The following MGAT1 variants were observed in gnomAD, a reference collection of about 807,000 sequenced individuals.
MGAT1 encodes the protein alpha-1,3-mannosyl-glycoprotein 2-beta-N-acetylglucosaminyltransferase.
In MGAT1, 14 loss-of-function variants were observed where a neutral mutation model predicts 31.7. The ratio of observed to expected loss-of-function variants is 0.44; its 90% CI spans 0.29 to 0.69. The LOEUF is 0.69. Ranked by LOEUF, MGAT1 falls within the 30% of genes least tolerant of loss-of-function variation. The pLI is 0.12. For missense variants in MGAT1, 557 were observed against 626.0 expected, an observed-to-expected ratio of 0.89 and a Z score of 1.18; for synonymous variants, 338 against 276.0, an observed-to-expected ratio of 1.22 and a Z score of -2.23.
rs541875109 is a variant in MGAT1 at position 180,784,835 on chromosome 5, C to T, written c.*6799G>A. ...TTTTCAATGTTTTTAGGTAGTTACA[C>T]GATAAGCACATATTACTTATATACG... On this transcript the variant is annotated 3_prime_UTR_variant, in exon 2 of 2. Transcript: ENST00000307826. The T allele has an allele frequency of 2.4e-4, 36 of 152,270 alleles. No homozygotes were observed. Among genetic ancestry groups the T allele is most frequent in the African/African-American group, 7.2e-5 (3 of 41,528 alleles). 9.4% of individuals were successfully genotyped at this position (152,270 alleles called of 1,614,324 possible). A position where few individuals can be genotyped will look rare whatever the true frequency, so the allele number is the denominator to read the frequency against.
At chr5:180,804,603 G>A (rs1368681150), upstream of MGAT1, among the ~76,000 whole-genome samples, 1 of 152,256 alleles carries the variant, frequency 6.6e-6, no homozygotes, top group African/African-American at 2.4e-5. Flanking sequence ...GCCTAATGGA[G>A]GAGTCAGGGG....
rs1210184729 is a variant in MGAT1, at chr5:180,785,015, T to G, written c.*6619A>C. On this transcript the variant is annotated 3_prime_UTR_variant, in exon 2 of 2. Coordinates refer to ENST00000307826, the MANE Select transcript of MGAT1 (RefSeq NM_002406.4). ...TCTTCTTTGTATTAGTCTTTCAACT[T>G]CCCTGTGAGTTTGAATATTTTCATA... 2.0e-5 allele frequency: 3 copies of G among 152,218 alleles called. No individual in the cohort carries two copies. The highest frequency in any genetic ancestry group is 7.2e-5 in the African/African-American group (3 of 41,450). 9.4% of individuals were successfully genotyped at this position (152,218 alleles called of 1,614,324 possible). A position where few individuals can be genotyped will look rare whatever the true frequency, so the allele number is the denominator to read the frequency against.
At chr5:180,811,224 G>C (rs1276521467) in intron 1 of MGAT1, 5 of 152,218 alleles carry the variant, frequency 3.3e-5, no homozygotes, top group Non-Finnish European at 5.9e-5. Flanking sequence ...CCTGGCCTGT[G>C]TTCTGTCGTG....
chr5:180,790,028 G>A lies in MGAT1; in HGVS notation c.*1606C>T, dbSNP rs905092358. On this transcript the variant is annotated 3_prime_UTR_variant, in exon 2 of 2. Transcript: ENST00000307826. Reference sequence around the variant, plus strand: ...CAGTCTGTCTGTGTTCTGGGTATTAGCAAAACAGGCACTCTCACTGGGGTT... The same window carrying A: ...CAGTCTGTCTGTGTTCTGGGTATTAACAAAACAGGCACTCTCACTGGGGTT... 70 of 152,302 alleles carry A rather than the reference G, an allele frequency of 4.6e-4. No individual in the cohort carries two copies. Among genetic ancestry groups the A allele is most frequent in the African/African-American group, 1.6e-3 (68 of 41,556 alleles). The allele number at this position is 152,302 out of a possible 1,614,324, so 9.4% of individuals were successfully genotyped here. A position where few individuals can be genotyped will look rare whatever the true frequency, so the allele number is the denominator to read the frequency against.
At chr5:180,800,818 T>C (rs1455911339) in intron 1 of MGAT1, among the ~76,000 whole-genome samples, 1 of 152,190 alleles carries the variant, frequency 6.6e-6, no homozygotes, top group African/African-American at 2.4e-5. Flanking sequence ...GAAAATACAA[T>C]CTGCTACACC....
upstream of MGAT1, chr5:180,803,339 TGTTTTTCCTTG>T (rs1409923624): frequency 6.6e-6 from 1 of 152,482 alleles, no homozygotes; most frequent in African/African-American, 2.4e-5. Context: ...TCTTCCCTTT[TGTTTTTCCTTG>T]GTGGGTGGGG....
chr5:180,811,031 C>G (rs1772523679), intron 1 of MGAT1: 2 of 152,418 alleles, frequency 1.3e-5, no homozygotes, highest in South Asian at 4.1e-4. Flanking sequence ...ACGTCGGACT[C>G]CTGAGTTTCG....
In MGAT1 at chr5:180,794,735, G is replaced by C. The variant is rs374136674; in HGVS notation, c.-126-1638C>G. Among the ~76,000 whole-genome samples the C allele has an allele frequency of 1.6e-4, 25 of 152,072 alleles. No individual in the cohort carries two copies. In the East Asian group the frequency reaches 1.7e-3, roughly 11 times the overall value. On this transcript the variant is annotated intron_variant, in intron 1 of 1. Transcript: ENST00000307826. ...GTGGTAGGTGTTTGGATCACAAGGG[G>C]GGCAGGGGCAGATCCTTCCTAACGT...
chr5:180,814,385 T>TCTCTTGA (rs1380253045), intron 1 of MGAT1, among the ~76,000 whole-genome samples: 2 of 152,206 alleles, frequency 1.3e-5, no homozygotes, highest in Non-Finnish European at 2.9e-5. Flanking sequence ...CTGACACACT[T>TCTCTTGA]CTCTTGACTC....
chr5:180,794,732 G>T (rs538008256), intron 1 of MGAT1, among the ~76,000 whole-genome samples: 1 of 152,110 alleles, frequency 6.6e-6, no homozygotes, highest in African/African-American at 2.4e-5. Flanking sequence ...TGGATCACAA[G>T]GGGGGCAGGG....
chr5:180,796,899 A>G (rs1252282563), intron 1 of MGAT1, among the ~76,000 whole-genome samples: 1 of 151,928 alleles, frequency 6.6e-6, no homozygotes, highest in Non-Finnish European at 1.5e-5. Context: ...GGTGTGAGCC[A>G]CTGGGCCCAG....
intron 1 of MGAT1, among the ~76,000 whole-genome samples, chr5:180,799,694 G>C (rs1010515072): frequency 1.3e-5 from 2 of 152,206 alleles, no homozygotes; most frequent in African/African-American, 2.4e-5. Flanking sequence ...ACATTTTCCA[G>C]AGATGACCGC....
At chr5:180,802,951 C>T (rs1771221476), upstream of MGAT1, 1 of 151,832 alleles carries the variant, frequency 6.6e-6, no homozygotes, top group Admixed American at 6.6e-5. Context: ...TCCTCCTGGC[C>T]CGCCTCCTTT....
At position 180,791,858 on chromosome 5, in the gene MGAT1, T is replaced by C; in HGVS notation, c.1114A>G (p.Lys372Glu). 6.2e-7 allele frequency: 1 copy of C among 1,614,144 alleles called. No individual in the cohort carries two copies. The highest frequency in any genetic ancestry group is 1.1e-5 in the South Asian group (1 of 91,078). Residue 372 changes from lysine to glutamate, a missense_variant, in exon 2 of 2, where the codon AAA (lysine) becomes GAA (glutamate). By Grantham distance (56) the Lys-to-Glu change is moderately conservative. Transcript: ENST00000307826. ...TCCTTCCGGTCATTGGTCCTCACTT[T>C]CTCCACCTGCAGCTGGGGAGCACCG... ...VYGAPQLQVE[K>E]VRTNDRKELG...
At chr5:180,809,688 A>C (rs2070170363) in intron 1 of MGAT1, 1 of 151,898 alleles carries the variant, frequency 6.6e-6, no homozygotes. Flanking sequence ...TGGAATGTTT[A>C]AGGCCCAAGT....
chr5:180,798,214 C>T lies in MGAT1; in HGVS notation c.-127+4466G>A, dbSNP rs117572319. Among the ~76,000 whole-genome samples, 172 of 152,314 alleles carry T rather than the reference C, an allele frequency of 1.1e-3. 3 individuals carry two copies. In the East Asian group the frequency reaches 0.018, roughly 16 times the overall value. On this transcript the variant is annotated intron_variant, in intron 1 of 1. Coordinates refer to ENST00000307826, the MANE Select transcript of MGAT1 (RefSeq NM_002406.4). ...GTTTAGAACAGTGCCGGCATGACAA[C>T]GTAAATATCGGCCGTTATTTCACTC...
rs1472139848 is a variant in MGAT1 at position 180,784,862 on chromosome 5, A to C, written c.*6772T>G. The C allele has an allele frequency of 6.6e-6, 1 of 152,272 alleles. No individual in the cohort carries two copies. The highest frequency in any genetic ancestry group is 1.5e-5 in the Non-Finnish European group (1 of 68,052). The allele number at this position is 152,272 out of a possible 1,614,324, so 9.4% of individuals were successfully genotyped here. On this transcript the variant is annotated 3_prime_UTR_variant, in exon 2 of 2. Transcript: ENST00000307826. ...ATAAGCACATATTACTTATATACGA[A>C]AAAAGTTATTTAAAAAACAATATTC...
intron 1 of MGAT1, among the ~76,000 whole-genome samples, chr5:180,797,800 T>C (rs1206781663): frequency 6.6e-6 from 1 of 152,246 alleles, no homozygotes; most frequent in Admixed American, 6.5e-5. Context: ...CTTGCTCCTG[T>C]TGCCATAAGA....
chr5:180,814,400 G>A (rs1192942061), intron 1 of MGAT1, among the ~76,000 whole-genome samples: 2 of 152,092 alleles, frequency 1.3e-5, no homozygotes, highest in Admixed American at 6.5e-5. Context: ...TGACTCCCAC[G>A]CCAGCACGCT....
Sources: gnomAD v4.1 joint callset for allele counts (sites outside exome capture counted in the v4.1 genomes callset) on GRCh38, gnomAD v4.1.1 for gene constraint, MANE v1.5 for transcripts, NCBI Gene and HGNC (gene_info 2026-07-23, HGNC 2026-07-21) for gene names.